ST6GALNAC3: variants seen among roughly 807,000 people sequenced by gnomAD.
The protein encoded by ST6GALNAC3 is ST6 N-acetylgalactosaminide alpha-2,6-sialyltransferase 3.
A neutral mutation model predicts 32.7 loss-of-function variants in ST6GALNAC3; 25 were observed. The observed-to-expected ratio is 0.76, with a 90% CI of 0.56 to 1.07. The LOEUF is 1.07. Ranked by LOEUF, ST6GALNAC3 falls within the 50% of genes least tolerant of loss-of-function variation. The probability of loss-of-function intolerance (pLI) is 0.00; values close to 1 mark genes in which losing one functional copy is unlikely to be tolerated. For synonymous variants in ST6GALNAC3, 129 were observed against 133.1 expected (o/e 0.97, Z 0.21); for missense variants, 355 against 382.4 (o/e 0.93, Z 0.60).
intron 2 of ST6GALNAC3, among the ~76,000 whole-genome samples, chr1:76,371,352 C>G (rs1206207894): frequency 1.3e-5 from 2 of 151,956 alleles, no homozygotes; most frequent in African/African-American, 4.8e-5. Flanking sequence ...TATACTGTGC[C>G]TGAGTGAAAG....
intron 1 of ST6GALNAC3, among the ~76,000 whole-genome samples, chr1:76,174,460 T>A (rs984856960): frequency 6.6e-6 from 1 of 151,664 alleles, no homozygotes; most frequent in Non-Finnish European, 1.5e-5. Context: ...AATAAAAAAA[T>A]TTCAGTGTTA....
intron 3 of ST6GALNAC3, among the ~76,000 whole-genome samples, chr1:76,431,425 T>C (rs1655744761): frequency 6.6e-6 from 1 of 152,226 alleles, no homozygotes; most frequent in Admixed American, 6.5e-5. Flanking sequence ...AAAATAAAAT[T>C]CAAGACAAAT....
At chr1:76,441,612 G>A (rs1393619416) in intron 3 of ST6GALNAC3, among the ~76,000 whole-genome samples, 3 of 152,054 alleles carry the variant, frequency 2.0e-5, no homozygotes, top group Non-Finnish European at 4.4e-5. Context: ...TTTATTCCTT[G>A]TGTTACAAAC....
intron 1 of ST6GALNAC3, among the ~76,000 whole-genome samples, chr1:76,121,285 C>T (rs1317469871): frequency 3.3e-5 from 5 of 152,144 alleles, no homozygotes; most frequent in Non-Finnish European, 5.9e-5. Context: ...ATCAGCAAGC[C>T]CTGCTGGGAT....
chr1:76,084,676 G>A (rs561476658), intron 1 of ST6GALNAC3, among the ~76,000 whole-genome samples: 4 of 152,276 alleles, frequency 2.6e-5, no homozygotes, highest in Admixed American at 6.5e-5. Flanking sequence ...CATGCTAATA[G>A]ACATATGGCC....
At chr1:76,205,787 G>A (rs1465803914) in intron 1 of ST6GALNAC3, among the ~76,000 whole-genome samples, 2 of 152,130 alleles carry the variant, frequency 1.3e-5, no homozygotes, top group East Asian at 3.9e-4. Flanking sequence ...TGAATACCTG[G>A]CAGTAAGTAC....
intron 3 of ST6GALNAC3, among the ~76,000 whole-genome samples, chr1:76,525,791 G>GTGTGTGTA (rs1438917629): frequency 1.3e-5 from 1 of 75,528 alleles, no homozygotes; most frequent in Non-Finnish European, 3.0e-5. Flanking sequence ...GTGTGTGTGT[G>GTGTGTGTA]TATATATATA....
chr1:76,534,802 T>C (rs1663494765), intron 3 of ST6GALNAC3, among the ~76,000 whole-genome samples: 2 of 152,210 alleles, frequency 1.3e-5, no homozygotes, highest in Admixed American at 1.3e-4. Context: ...GATCAGGTAA[T>C]AGGCTTGAAG....
At chr1:76,574,861 C>T (rs556901695) in intron 3 of ST6GALNAC3, among the ~76,000 whole-genome samples, 1 of 152,104 alleles carries the variant, frequency 6.6e-6, no homozygotes, top group Non-Finnish European at 1.5e-5. Flanking sequence ...CGCTTGTCAG[C>T]AGAGTTGATT....
intron 3 of ST6GALNAC3, among the ~76,000 whole-genome samples, chr1:76,554,428 C>T (rs1241088243): frequency 6.6e-6 from 1 of 152,088 alleles, no homozygotes; most frequent in Non-Finnish European, 1.5e-5. Context: ...AACCCCTCAA[C>T]CTGAAAACTG....
At chr1:76,233,650 T>C (rs1206560131) in intron 1 of ST6GALNAC3, among the ~76,000 whole-genome samples, 3 of 152,238 alleles carry the variant, frequency 2.0e-5, no homozygotes, top group Non-Finnish European at 4.4e-5. Context: ...AGCATCCTCA[T>C]TGCTAAGAAC....
downstream of ST6GALNAC3, among the ~76,000 whole-genome samples, chr1:76,634,996 GAAAC>G (rs1340533294): frequency 6.6e-6 from 1 of 152,168 alleles, no homozygotes; most frequent in Non-Finnish European, 1.5e-5. Flanking sequence ...ATCCAAGTCG[GAAAC>G]ATATCCAGAA....
intron 3 of ST6GALNAC3, among the ~76,000 whole-genome samples, chr1:76,464,061 T>C (rs1474077727): frequency 6.6e-6 from 1 of 152,138 alleles, no homozygotes; most frequent in Non-Finnish European, 1.5e-5. Context: ...TCCTTTCCCC[T>C]ATAGGGTACT....
At chr1:76,444,261 C>G (rs1347129196) in intron 3 of ST6GALNAC3, among the ~76,000 whole-genome samples, 1 of 152,164 alleles carries the variant, frequency 6.6e-6, no homozygotes, top group Non-Finnish European at 1.5e-5. Context: ...CTAGAAAATC[C>G]TTTCTCAATT....
At chr1:76,167,450 TTTG>T (rs1652195708) in intron 1 of ST6GALNAC3, among the ~76,000 whole-genome samples, 1 of 152,156 alleles carries the variant, frequency 6.6e-6, no homozygotes, top group Non-Finnish European at 1.5e-5. Context: ...GAAGATTCCT[TTTG>T]TTGTTGTTGT....
chr1:76,211,261 G>A lies in ST6GALNAC3; in HGVS notation c.19-102544G>A, dbSNP rs1275234745. 4.6e-5 allele frequency among the ~76,000 whole-genome samples: 7 copies of A among 152,200 alleles called. No individual in the cohort carries two copies. The South Asian group carries it at 8.3e-4, about 18-fold the overall frequency. ...ATACCATCTCACACCAGTTAGAATG[G>A]CAATCATTAAAAAGTCAGGAAACAA... On this transcript the variant is annotated intron_variant, in intron 1 of 4. Transcript: ENST00000328299.
At chr1:76,463,068 G>A (rs1353079987) in intron 3 of ST6GALNAC3, among the ~76,000 whole-genome samples, 1 of 152,088 alleles carries the variant, frequency 6.6e-6, no homozygotes, top group Non-Finnish European at 1.5e-5. Flanking sequence ...CCAAAGTTTA[G>A]AAAATTTAAT....
intron 1 of ST6GALNAC3, among the ~76,000 whole-genome samples, chr1:76,246,771 G>T (rs1168062827): frequency 6.6e-6 from 1 of 152,170 alleles, no homozygotes; most frequent in African/African-American, 2.4e-5. Flanking sequence ...GCTCAGAGGA[G>T]TTTGTTATTA....
chr1:76,342,395 C>T (rs956348112), intron 2 of ST6GALNAC3, among the ~76,000 whole-genome samples: 4 of 152,046 alleles, frequency 2.6e-5, no homozygotes, highest in Non-Finnish European at 5.9e-5. Context: ...TTTTAATGAT[C>T]GCCATTCTAA....
Sources: gnomAD v4.1 joint callset for allele counts (sites outside exome capture counted in the v4.1 genomes callset) on GRCh38, gnomAD v4.1.1 for gene constraint, MANE v1.5 for transcripts, NCBI Gene and HGNC (gene_info 2026-07-23, HGNC 2026-07-21) for gene names.